Variants in NUP58 observed in about 807,000 individuals in gnomAD.
NUP58 encodes nucleoporin p58/p45.
NUP58 carries 17 observed loss-of-function variants against 70.1 expected under a neutral mutation model. That is an observed-to-expected ratio of 0.24 (90% CI 0.17 to 0.36). The LOEUF is 0.36. Among genes scored for constraint, NUP58 ranks in the 10% least tolerant of loss-of-function variants. NUP58 has a pLI of 1.00. For synonymous variants in NUP58, 275 were observed against 257.6 expected, an observed-to-expected ratio of 1.07 and a Z score of -0.65; for missense variants, 644 against 701.5, an observed-to-expected ratio of 0.92 and a Z score of 0.93.
intron 9 of NUP58, among the ~76,000 whole-genome samples, chr13:25,323,466 T>C (rs2031271332): frequency 6.6e-6 from 1 of 152,100 alleles, no homozygotes; most frequent in African/African-American, 2.4e-5. Flanking sequence ...TTAAAGAAAT[T>C]TGATCTAAGA....
Position 25,341,510 on chromosome 13 carries a change from C to T in NUP58, c.*1376C>T, listed in dbSNP as rs995323467. 3.9e-5 allele frequency: 6 copies of T among 152,424 alleles called. No individual in the cohort carries two copies. The highest frequency in any genetic ancestry group is 8.8e-5 in the Non-Finnish European group (6 of 67,998). 9.4% of individuals were successfully genotyped at this position (152,424 alleles called of 1,614,324 possible). The stretch of plus-strand genomic sequence containing the variant: ...AGCCTCTTAATGTCTTAAGTAAGTG[C>T]TTAATTTGGAATAGAGAAACCAGTA... On this transcript the variant is annotated 3_prime_UTR_variant, in exon 16 of 16. Coordinates refer to ENST00000381736, the MANE Select transcript of NUP58 (RefSeq NM_014089.4).
At chr13:25,325,905 A>G (rs946308075) in intron 10 of NUP58, among the ~76,000 whole-genome samples, 4 of 152,150 alleles carry the variant, frequency 2.6e-5, no homozygotes, top group African/African-American at 4.8e-5. Flanking sequence ...ATTTTGGTCT[A>G]CAGAAAAGTT....
chr13:25,317,858 ATTTTTTTTT>A (rs34535848), intron 6 of NUP58: 1 of 118,592 alleles, frequency 8.4e-6, no homozygotes, highest in Admixed American at 9.6e-5. Context: ...AAAATGCTTG[ATTTTTTTTT>A]TTTTTTTTTT....
Position 25,342,173 on chromosome 13 carries a change from G to C in NUP58, c.*2039G>C, listed in dbSNP as rs1436744275. The C allele has an allele frequency of 6.6e-6, 1 of 152,540 alleles. No homozygotes were observed. The highest frequency in any genetic ancestry group is 1.5e-5 in the Non-Finnish European group (1 of 68,010). 9.4% of individuals were successfully genotyped at this position (152,540 alleles called of 1,614,324 possible). A position where few individuals can be genotyped will look rare whatever the true frequency, so the allele number is the denominator to read the frequency against. On this transcript the variant is annotated 3_prime_UTR_variant, in exon 16 of 16. Transcript: ENST00000381736. ...GATTTTGTGTTTTGAATTACTGTCA[G>C]AATTACATACACAATTACAACAAAC... is the stretch of plus-strand genomic sequence containing the variant.
chr13:25,334,935 A>G lies in NUP58; in HGVS notation c.1436-2001A>G, dbSNP rs1299374360. ...GGAAATAAGAACCTCTCATTGGATG[A>G]CTATTCAAATTTCAAAGCAGACTTC... On this transcript the variant is annotated intron_variant, in intron 13 of 15. Transcript: ENST00000381736. 5.1e-6 allele frequency: 5 copies of G among 985,028 alleles called. 1 individual carries two copies. In the Middle Eastern group the frequency reaches 2.1e-3, roughly 412 times the overall value. 61.0% of individuals were successfully genotyped at this position (985,028 alleles called of 1,614,324 possible). A position where few individuals can be genotyped will look rare whatever the true frequency, so the allele number is the denominator to read the frequency against.
intron 12 of NUP58, among the ~76,000 whole-genome samples, chr13:25,329,664 A>T (rs1466980982): frequency 6.6e-6 from 1 of 152,150 alleles, no homozygotes; most frequent in East Asian, 1.9e-4. Flanking sequence ...ATCTCACAAG[A>T]CATTTTTTTG....
chr13:25,313,890 G>C lies in NUP58; in HGVS notation c.574+139G>C, dbSNP rs147673459. On this transcript the variant is annotated intron_variant, in intron 5 of 15. Transcript: ENST00000381736. ...ATGAAAACTAAATTATAAAATGATGGTTTTCATACATAATTGGATGTATTA... is the reference window on the plus strand; with the variant it reads ...ATGAAAACTAAATTATAAAATGATGCTTTTCATACATAATTGGATGTATTA... 5.2e-4 allele frequency: 309 copies of C among 591,706 alleles called. 7 individuals are homozygous for C. The East Asian group carries it at 7.6e-3, about 15-fold the overall frequency. The allele number at this position is 591,706 out of a possible 1,614,324, so 36.7% of individuals were successfully genotyped here. A position where few individuals can be genotyped will look rare whatever the true frequency, so the allele number is the denominator to read the frequency against.
intron 6 of NUP58, among the ~76,000 whole-genome samples, chr13:25,318,216 T>G (rs976132574): frequency 6.6e-6 from 1 of 152,034 alleles, no homozygotes; most frequent in African/African-American, 2.4e-5. Flanking sequence ...TAATCCCAGC[T>G]ACTCGGGAAG....
Position 25,331,715 on chromosome 13 carries a change from C to A in NUP58, c.1435+157C>A, listed in dbSNP as rs112682431. The stretch of plus-strand genomic sequence containing the variant: ...TGTGATGGACACGATTATAAACATA[C>A]CTGATAAAAAAGGCAGGGTAGTCTT... On this transcript the variant is annotated intron_variant, in intron 13 of 15. Transcript: ENST00000381736. 6 of 1,434,736 alleles carry A rather than the reference C, an allele frequency of 4.2e-6. No homozygotes were observed. The African/African-American group carries it at 4.3e-5, about 10-fold the overall frequency. 88.9% of individuals were successfully genotyped at this position (1,434,736 alleles called of 1,614,324 possible).
At chr13:25,321,167 T>C (rs1192923879) in intron 9 of NUP58, 74 bp downstream of exon 9, 2 of 1,277,954 alleles carry the variant, frequency 1.6e-6, no homozygotes, top group South Asian at 1.4e-5. Context: ...TAAGGTGTTT[T>C]GTTTTGTTTG....
chr13:25,304,372 CTT>C (rs2030183864), intron 1 of NUP58, among the ~76,000 whole-genome samples: 2 of 151,002 alleles, frequency 1.3e-5, no homozygotes, highest in Admixed American at 6.6e-5. Context: ...AAATTTCTCT[CTT>C]GCTTTTGTGG....
Position 25,315,333 on chromosome 13 carries a change from T to A in NUP58, c.575-24T>A, listed in dbSNP as rs752614907. 77 of 1,530,074 alleles carry A rather than the reference T, an allele frequency of 5.0e-5. No homozygotes were observed. The Admixed American group carries it at 1.3e-3, about 26-fold the overall frequency. The allele number at this position is 1,530,074 out of a possible 1,614,324, so 94.8% of individuals were successfully genotyped here. ...AATTGTTGTAGTCTTTTGATGGAAT[T>A]TATAAGTTATGTTTTATTTATAGGA... is the stretch of plus-strand genomic sequence containing the variant. On this transcript the variant is annotated intron_variant, in intron 5 of 15. Transcript: ENST00000381736.
chr13:25,320,412 C>T (rs2031130262), intron 7 of NUP58, 118 bp from the exon 8 acceptor site: 2 of 624,562 alleles, frequency 3.2e-6, no homozygotes, highest in Non-Finnish European at 5.6e-6. Flanking sequence ...CCAGAGAAGC[C>T]ATACGTGCTT....
chr13:25,309,903 TTTAAG>T (rs2030565344), intron 3 of NUP58: 4 of 211,402 alleles, frequency 1.9e-5, no homozygotes, highest in South Asian at 1.5e-4. Flanking sequence ...TAAATTGAGT[TTTAAG>T]TTAAGGATTG....
intron 3 of NUP58, 82 bp from the exon 4 acceptor site, chr13:25,312,800 CT>C: frequency 7.4e-7 from 1 of 1,359,508 alleles, no homozygotes; most frequent in East Asian, 2.5e-5. Context: ...TTTAAGGATC[CT>C]TATTGAAACC....
At chr13:25,302,966 A>G (rs543738081) in intron 1 of NUP58, 1 of 456,714 alleles carries the variant, frequency 2.2e-6, no homozygotes, top group East Asian at 6.9e-5. Flanking sequence ...TCGTGGAACA[A>G]ATATTTATTG....
At chr13:25,302,112 A>G (rs118133702) in intron 1 of NUP58, among the ~76,000 whole-genome samples, 3 of 152,384 alleles carry the variant, frequency 2.0e-5, no homozygotes, top group East Asian at 1.9e-4. Flanking sequence ...AGGTTTCCAG[A>G]ATCCACGTAT....
chr13:25,337,343 CTTAAAA>C (rs1566072517), intron 14 of NUP58, among the ~76,000 whole-genome samples: 1 of 152,058 alleles, frequency 6.6e-6, no homozygotes, highest in African/African-American at 2.4e-5. Flanking sequence ...AATTAAAAAT[CTTAAAA>C]TTAATAGTCT....
At chr13:25,305,866 G>A (rs1389265042) in intron 1 of NUP58, among the ~76,000 whole-genome samples, 1 of 151,988 alleles carries the variant, frequency 6.6e-6, no homozygotes, top group Non-Finnish European at 1.5e-5. Context: ...TGAAATTGAA[G>A]ACACCCGGAC....
Sources: gnomAD v4.1 joint callset for allele counts (sites outside exome capture counted in the v4.1 genomes callset) on GRCh38, gnomAD v4.1.1 for gene constraint, MANE v1.5 for transcripts, NCBI Gene and HGNC (gene_info 2026-07-23, HGNC 2026-07-21) for gene names.